CREB1: variants seen among roughly 807,000 people sequenced by gnomAD.
CREB1 encodes cyclic AMP-responsive element-binding protein 1.
A neutral mutation model predicts 42.0 loss-of-function variants in CREB1; 2 were observed. The observed-to-expected ratio is 0.05, with a 90% CI of 0.02 to 0.15. CREB1 has a LOEUF of 0.15. Among genes scored for constraint, CREB1 ranks in the 10% least tolerant of loss-of-function variants. The probability of loss-of-function intolerance (pLI) is 1.00; values close to 1 mark genes in which losing one functional copy is unlikely to be tolerated. For synonymous variants in CREB1, 123 were observed against 139.9 expected, an observed-to-expected ratio of 0.88 and a Z score of 0.85; for missense variants, 199 against 388.9, an observed-to-expected ratio of 0.51 and a Z score of 4.11.
In CREB1 at chr2:207,594,198, AT is replaced by A. The variant is rs919272032; in HGVS notation, c.840-2709del. On this transcript the variant is annotated intron_variant, in intron 7 of 7. Transcript: ENST00000353267. ...TTTAATTATTTTTAATCTGTGTTAG[AT>A]TTTTTTAAATAATTTCATTTTTAAT... Among the ~76,000 whole-genome samples, 17 of 152,246 alleles carry A rather than the reference AT, an allele frequency of 1.1e-4. 3 individuals carry two copies. In the East Asian group the frequency reaches 2.9e-3, roughly 26 times the overall value.
At chr2:207,576,241 C>CTTTTTTTTT (rs35735523) in intron 6 of CREB1, among the ~76,000 whole-genome samples, 3 of 101,082 alleles carry the variant, frequency 3.0e-5, no homozygotes, top group Non-Finnish European at 5.8e-5. Context: ...CTTTTTTTGG[C>CTTTTTTTTT]TTTTTTTTTT....
In CREB1 at chr2:207,539,911, A is replaced by G. The variant is rs191476581; in HGVS notation, c.-9+9777A>G. ...AAATTGGTGAAGAAAGTATTAGATT[A>G]TAGATCTACATTTTGAGGAATGCTG... On this transcript the variant is annotated intron_variant, in intron 1 of 7. Transcript: ENST00000353267. 4.1e-4 allele frequency among the ~76,000 whole-genome samples: 63 copies of G among 152,348 alleles called. No individual in the cohort carries two copies. The East Asian group carries it at 0.012, about 29-fold the overall frequency.
At chr2:207,532,537 G>A in intron 1 of CREB1, among the ~76,000 whole-genome samples, 1 of 151,346 alleles carries the variant, frequency 6.6e-6, no homozygotes, top group East Asian at 2.0e-4. Context: ...GCTGGGTGTC[G>A]TGGCGCGTGC....
At chr2:207,581,132 T>C (rs893399062) in intron 7 of CREB1, 28 of 213,782 alleles carry the variant, frequency 1.3e-4, no homozygotes, top group African/African-American at 5.6e-4. Flanking sequence ...AAAGGTTAAA[T>C]GGATTTGACC....
chr2:207,548,605 G>C (rs1313139022), intron 1 of CREB1, among the ~76,000 whole-genome samples: 2 of 151,972 alleles, frequency 1.3e-5, no homozygotes, highest in African/African-American at 4.8e-5. Flanking sequence ...ACAAAAATTA[G>C]CCAGGTGTGG....
intron 1 of CREB1, among the ~76,000 whole-genome samples, chr2:207,553,752 T>C (rs1031427355): frequency 6.6e-6 from 1 of 152,190 alleles, no homozygotes; most frequent in Non-Finnish European, 1.5e-5. Flanking sequence ...GAAAGATACT[T>C]AAGTCAATAT....
Position 207,603,598 on chromosome 2 carries a change from C to T in CREB1, c.*6540C>T, listed in dbSNP as rs949465255. 6.6e-6 allele frequency among the ~76,000 whole-genome samples: 1 copy of T among 152,078 alleles called. No homozygotes were observed. Among genetic ancestry groups the T allele is most frequent in the African/African-American group, 2.4e-5 (1 of 41,410 alleles). On this transcript the variant is annotated 3_prime_UTR_variant, in exon 8 of 8. Coordinates refer to ENST00000353267, the MANE Select transcript of CREB1 (RefSeq NM_004379.5). ...CAACATGTCTTCAGTTACTGGATCCCTAATTTTCAGGACAAAACCTGTTTT... is the reference window on the plus strand; with the variant it reads ...CAACATGTCTTCAGTTACTGGATCCTTAATTTTCAGGACAAAACCTGTTTT...
chr2:207,604,765 G>A lies in CREB1; in HGVS notation c.*7707G>A, dbSNP rs755340003. Among the ~76,000 whole-genome samples the A allele has an allele frequency of 1.3e-5, 2 of 152,044 alleles. No individual in the cohort carries two copies. Among genetic ancestry groups the A allele is most frequent in the Non-Finnish European group, 2.9e-5 (2 of 68,012 alleles). The stretch of plus-strand genomic sequence containing the variant: ...TCTCCTCCCACCGCCCTTGTCCCTG[G>A]CAACCACCAATCTGCTTCCTGTTTC... On this transcript the variant is annotated 3_prime_UTR_variant, in exon 8 of 8. Coordinates refer to ENST00000353267, the MANE Select transcript of CREB1 (RefSeq NM_004379.5).
chr2:207,586,133 A>G (rs2083790591), intron 7 of CREB1, among the ~76,000 whole-genome samples: 1 of 152,240 alleles, frequency 6.6e-6, no homozygotes, highest in Non-Finnish European at 1.5e-5. Context: ...CCAAATAGCC[A>G]AAGCATTCCT....
At chr2:207,546,509 C>T (rs1467995494) in intron 1 of CREB1, among the ~76,000 whole-genome samples, 1 of 152,080 alleles carries the variant, frequency 6.6e-6, no homozygotes, top group Non-Finnish European at 1.5e-5. Context: ...GGCGGATCAC[C>T]TGAGGTCAGG....
At chr2:207,576,658 C>T (rs1282761447) in intron 6 of CREB1, 1 of 1,290,962 alleles carries the variant, frequency 7.7e-7, no homozygotes, top group African/African-American at 1.5e-5. Flanking sequence ...AGCAGGATGT[C>T]AGTGAATTTG....
chr2:207,550,015 A>T (rs1235119236), intron 1 of CREB1, among the ~76,000 whole-genome samples: 1 of 152,210 alleles, frequency 6.6e-6, no homozygotes. Flanking sequence ...AAGGCTTTCA[A>T]ACAGTTACCC....
chr2:207,583,165 AT>A (rs2083245791), intron 7 of CREB1, among the ~76,000 whole-genome samples: 2 of 152,182 alleles, frequency 1.3e-5, no homozygotes, highest in Non-Finnish European at 2.9e-5. Flanking sequence ...AGGGGGATTC[AT>A]ATAGGTTATA....
At chr2:207,582,914 A>AT (rs1409370419) in intron 7 of CREB1, 2 of 271,228 alleles carry the variant, frequency 7.4e-6, no homozygotes, top group Non-Finnish European at 1.5e-5. Context: ...AACAAACAAA[A>AT]AAAAATATAT....
intron 1 of CREB1, among the ~76,000 whole-genome samples, chr2:207,552,524 G>GTAT (rs4024318): frequency 0.88 from 132,858 of 151,688 alleles, 59,675 homozygotes; most frequent in East Asian, 1. Context: ...TACAAAGGAG[G>GTAT]TATGATACAT....
Position 207,604,803 on chromosome 2 carries a change from T to C in CREB1, c.*7745T>C, listed in dbSNP as rs1285547837. 6.6e-6 allele frequency among the ~76,000 whole-genome samples: 1 copy of C among 152,236 alleles called. No homozygotes were observed. Among genetic ancestry groups the C allele is most frequent in the East Asian group, 1.9e-4 (1 of 5,200 alleles). On this transcript the variant is annotated 3_prime_UTR_variant, in exon 8 of 8. Coordinates refer to ENST00000353267, the MANE Select transcript of CREB1 (RefSeq NM_004379.5). ...TGCTTCCTGTTTCTTTGGATTTACA[T>C]CCGGGTATTTCATGTGAGACTCATA...
At chr2:207,546,465 G>A (rs1047788271) in intron 1 of CREB1, among the ~76,000 whole-genome samples, 5 of 152,176 alleles carry the variant, frequency 3.3e-5, no homozygotes, top group Non-Finnish European at 7.3e-5. Context: ...AGTGGCTCAT[G>A]CTGGTAATCC....
chr2:207,560,226 G>T lies in CREB1; in HGVS notation c.115G>T (p.Val39Leu), dbSNP rs1478104986. The T allele has an allele frequency of 6.2e-7, 1 of 1,605,114 alleles. No homozygotes were observed. Among genetic ancestry groups the T allele is most frequent in the South Asian group, 1.1e-5 (1 of 90,380 alleles). Residue 39 changes from valine to leucine, a missense_variant and splice_region_variant, in exon 3 of 8, where the codon GTA becomes TTA. Physicochemically the swap from Val to Leu is conservative, Grantham distance 32. Around this residue, in one of 4 missense-constraint regions of CREB1, gnomAD observed 53 missense variants for 57.1 expected, o/e 0.93. Coordinates refer to ENST00000353267, the MANE Select transcript of CREB1 (RefSeq NM_004379.5). ...TTCTTTTCTGTGTTCAACACCATAG[G>T]TATCTATGCCAGCAGCTCATGCAAC... ...AQPQIATLAQ[V>L]SMPAAHATSS...
At chr2:207,541,463 G>C (rs1046928272) in intron 1 of CREB1, among the ~76,000 whole-genome samples, 1 of 151,936 alleles carries the variant, frequency 6.6e-6, no homozygotes, top group Non-Finnish European at 1.5e-5. Context: ...ACTTACCGTT[G>C]TGTTACATTT....
Sources: gnomAD v4.1 joint callset for allele counts (sites outside exome capture counted in the v4.1 genomes callset) on GRCh38, gnomAD v4.1.1 for gene constraint, gnomAD v4.1.1 regional missense constraint, MANE v1.5 for transcripts, NCBI Gene and HGNC (gene_info 2026-07-23, HGNC 2026-07-21) for gene names.